The following CACNA2D1 variants were observed in gnomAD, a reference collection of about 807,000 sequenced individuals.
The protein encoded by CACNA2D1 is voltage-dependent calcium channel subunit alpha-2/delta-1.
In CACNA2D1, 53 loss-of-function variants were observed where a neutral mutation model predicts 171.5. The observed-to-expected ratio is 0.31, with a 90% CI of 0.25 to 0.39. The LOEUF is 0.39. Among genes scored for constraint, CACNA2D1 ranks in the 10% least tolerant of loss-of-function variants. The pLI is 1.00. For missense variants in CACNA2D1, 903 were observed against 1,299.8 expected (o/e 0.69, Z 4.69); for synonymous variants, 442 against 443.1 (o/e 1.00, Z 0.03).
chr7:82,137,347 A>G (rs925737214), intron 4 of CACNA2D1, among the ~76,000 whole-genome samples: 2 of 152,216 alleles, frequency 1.3e-5, no homozygotes. Flanking sequence ...TTAGAAAGGA[A>G]AAATGGAAAT....
intron 10 of CACNA2D1, among the ~76,000 whole-genome samples, chr7:82,056,562 T>C (rs534017541): frequency 6.6e-6 from 1 of 152,008 alleles, no homozygotes; most frequent in Non-Finnish European, 1.5e-5. Flanking sequence ...AGAGAGAGGA[T>C]ACACATGGGC....
At chr7:82,038,643 G>A (rs544146278) in intron 10 of CACNA2D1, among the ~76,000 whole-genome samples, 1 of 152,300 alleles carries the variant, frequency 6.6e-6, no homozygotes, top group African/African-American at 2.4e-5. Flanking sequence ...CTCTTATTAG[G>A]AAAGACTGGT....
chr7:82,376,451 T>C (rs1823026623), intron 1 of CACNA2D1, among the ~76,000 whole-genome samples: 2 of 152,156 alleles, frequency 1.3e-5, no homozygotes, highest in Admixed American at 6.6e-5. Context: ...TGAGATAAAA[T>C]ATAACCTTTG....
chr7:82,401,358 A>C (rs1316443203), intron 1 of CACNA2D1, among the ~76,000 whole-genome samples: 1 of 150,530 alleles, frequency 6.6e-6, no homozygotes. Flanking sequence ...CATATACACC[A>C]TGGAATACTA....
chr7:82,234,513 A>C (rs1383505569), intron 3 of CACNA2D1, among the ~76,000 whole-genome samples: 4 of 152,084 alleles, frequency 2.6e-5, no homozygotes, highest in African/African-American at 4.8e-5. Context: ...TAAGCAACTG[A>C]TGTCTTTATT....
At position 82,204,637 on chromosome 7, in the gene CACNA2D1, C is replaced by A. The variant is rs115988976; in HGVS notation, c.295-34028G>T. ...TCCTCACTAGAAAAACTCCCTCAGCCTAGGGAGTGGAATGTAAGGCCTATG... is the reference window on the plus strand; with the variant it reads ...TCCTCACTAGAAAAACTCCCTCAGCATAGGGAGTGGAATGTAAGGCCTATG... On this transcript the variant is annotated intron_variant, in intron 3 of 38. Coordinates refer to ENST00000356860, the MANE Select transcript of CACNA2D1 (RefSeq NM_000722.4). 9.9e-3 allele frequency among the ~76,000 whole-genome samples: 1,512 copies of A among 152,208 alleles called. 24 individuals are homozygous for A. Among genetic ancestry groups the A allele is most frequent in the African/African-American group, 0.035 (1,441 of 41,520 alleles).
At chr7:82,410,786 C>T (rs566692560) in intron 1 of CACNA2D1, among the ~76,000 whole-genome samples, 39 of 152,324 alleles carry the variant, frequency 2.6e-4, no homozygotes, top group African/African-American at 9.1e-4. Flanking sequence ...ATCTCAGTAC[C>T]AAGCGATGAG....
chr7:82,261,118 C>A (rs62463013), intron 3 of CACNA2D1, among the ~76,000 whole-genome samples: 35,957 of 151,952 alleles, frequency 0.24, 4,737 homozygotes, highest in Non-Finnish European at 0.31. Context: ...GCACGCCCGG[C>A]TAAATTTTGT....
intron 3 of CACNA2D1, among the ~76,000 whole-genome samples, chr7:82,303,729 A>G (rs1813345696): frequency 6.6e-6 from 1 of 152,208 alleles, no homozygotes; most frequent in African/African-American, 2.4e-5. Flanking sequence ...GAGGGATTAA[A>G]GATGTAAATG....
At chr7:82,364,815 T>C (rs1201680702) in intron 1 of CACNA2D1, among the ~76,000 whole-genome samples, 1 of 152,190 alleles carries the variant, frequency 6.6e-6, no homozygotes, top group Non-Finnish European at 1.5e-5. Flanking sequence ...TTCAGTTTTC[T>C]GATGGGACAG....
At chr7:82,377,866 C>A (rs1475718625) in intron 1 of CACNA2D1, among the ~76,000 whole-genome samples, 2 of 152,264 alleles carry the variant, frequency 1.3e-5, no homozygotes, top group South Asian at 4.1e-4. Flanking sequence ...CTAAGTCAAA[C>A]CTTCATCCAA....
chr7:82,047,507 A>G (rs150076858), intron 10 of CACNA2D1, among the ~76,000 whole-genome samples: 59 of 152,298 alleles, frequency 3.9e-4, no homozygotes, highest in African/African-American at 1.4e-3. Flanking sequence ...ATACTACAAT[A>G]CTGATCATAT....
chr7:81,951,970 T>TTTTTTTTTTTTTTTTG (rs1792596635), intron 38 of CACNA2D1, among the ~76,000 whole-genome samples: 1 of 23,980 alleles, frequency 4.2e-5, no homozygotes, highest in Non-Finnish European at 7.7e-5. Flanking sequence ...GTACAAAGTG[T>TTTTTTTTTTTTTTTTG]TTTTTTTTTT....
intron 3 of CACNA2D1, among the ~76,000 whole-genome samples, chr7:82,203,840 G>A (rs1227906344): frequency 6.6e-6 from 1 of 151,794 alleles, no homozygotes; most frequent in Middle Eastern, 3.2e-3. Context: ...TCATCGTGCA[G>A]ACAACTTACC....
intron 1 of CACNA2D1, among the ~76,000 whole-genome samples, chr7:82,435,839 A>C (rs372397739): frequency 2.6e-5 from 4 of 152,218 alleles, no homozygotes; most frequent in East Asian, 1.9e-4. Flanking sequence ...ATGTCGATGT[A>C]ATATGAGCAC....
rs2129916653 is a variant in CACNA2D1 at position 81,949,582 on chromosome 7, A to T, written c.*810T>A. ...GACAAGCTTTTCTTAGAGCATTTTT[A>T]AATATCTGGCTAGCACTACATAACT... On this transcript the variant is annotated 3_prime_UTR_variant, in exon 39 of 39. Coordinates refer to ENST00000356860, the MANE Select transcript of CACNA2D1 (RefSeq NM_000722.4). The T allele has an allele frequency of 6.6e-6, 1 of 152,230 alleles. No individual in the cohort carries two copies. Among genetic ancestry groups the T allele is most frequent in the South Asian group, 2.1e-4 (1 of 4,828 alleles). The allele number at this position is 152,230 out of a possible 1,614,324, so 9.4% of individuals were successfully genotyped here.
chr7:82,416,482 A>C (rs2129456223), intron 1 of CACNA2D1, among the ~76,000 whole-genome samples: 1 of 152,254 alleles, frequency 6.6e-6, no homozygotes, highest in Middle Eastern at 3.4e-3. Flanking sequence ...GAAGTCTGAA[A>C]TTAAGGTGTC....
At chr7:82,108,576 A>C (rs545970533) in intron 6 of CACNA2D1, among the ~76,000 whole-genome samples, 54 of 152,274 alleles carry the variant, frequency 3.5e-4, no homozygotes, top group African/African-American at 1.3e-3. Context: ...GCTATTACTA[A>C]TTGGTCTGCT....
chr7:82,197,886 G>A (rs946768477), intron 3 of CACNA2D1, among the ~76,000 whole-genome samples: 2 of 151,310 alleles, frequency 1.3e-5, no homozygotes, highest in Admixed American at 1.3e-4. Flanking sequence ...TATGGGAAAT[G>A]TGCATATATA....
Sources: allele counts gnomAD v4.1 joint callset (sites outside exome capture counted in the v4.1 genomes callset), GRCh38; gene constraint gnomAD v4.1.1; transcripts MANE v1.5; gene names NCBI Gene and HGNC (gene_info 2026-07-23, HGNC 2026-07-21).